The following PLCXD2 variants were observed in gnomAD, a reference collection of about 807,000 sequenced individuals.
PLCXD2 encodes phosphatidylinositol specific phospholipase C X domain containing 2, also known as PI-PLC X domain-containing protein 2.
In PLCXD2, 21 loss-of-function variants were observed where a neutral mutation model predicts 28.6. That is an observed-to-expected ratio of 0.73 (90% CI 0.52 to 1.06). The LOEUF (loss-of-function observed/expected upper bound fraction) is 1.06. Ranked by LOEUF, PLCXD2 falls within the 50% of genes least tolerant of loss-of-function variation. PLCXD2 has a pLI of 0.00. For missense variants in PLCXD2, 369 were observed against 376.7 expected, an observed-to-expected ratio of 0.98 and a Z score of 0.17; for synonymous variants, 140 against 150.1, an observed-to-expected ratio of 0.93 and a Z score of 0.49.
At chr3:111,684,224 GGAGGCTGA>G (rs1488825610) in intron 1 of PLCXD2, among the ~76,000 whole-genome samples, 12 of 151,598 alleles carry the variant, frequency 7.9e-5, no homozygotes, top group African/African-American at 2.9e-4. Context: ...CAGCTACTCG[GGAGGCTGA>G]GACAGGAGAA....
At chr3:111,698,593 A>G (rs889114365) in intron 1 of PLCXD2, among the ~76,000 whole-genome samples, 2 of 152,250 alleles carry the variant, frequency 1.3e-5, no homozygotes, top group Non-Finnish European at 1.5e-5. Flanking sequence ...AGATTACTGG[A>G]AAAGAAGAAA....
At chr3:111,684,347 G>T (rs1576453620) in intron 1 of PLCXD2, among the ~76,000 whole-genome samples, 1 of 136,924 alleles carries the variant, frequency 7.3e-6, no homozygotes, top group South Asian at 2.2e-4. Flanking sequence ...AAAAAAAAAA[G>T]GCATGTTAAA....
At chr3:111,691,434 T>G (rs1199982642) in intron 1 of PLCXD2, 2 of 152,224 alleles carry the variant, frequency 1.3e-5, no homozygotes, top group Non-Finnish European at 2.9e-5. Context: ...GAACCAGCAC[T>G]GGGATTCAGG....
intron 3 of PLCXD2, among the ~76,000 whole-genome samples, chr3:111,718,584 C>T (rs1409205461): frequency 2.0e-5 from 3 of 151,932 alleles, no homozygotes; most frequent in African/African-American, 7.3e-5. Context: ...GTAGAGTCCA[C>T]TGAGAGAGGG....
At chr3:111,676,859 T>C (rs1333486973) in intron 1 of PLCXD2, 1 of 152,274 alleles carries the variant, frequency 6.6e-6, no homozygotes, top group Non-Finnish European at 1.5e-5. Context: ...ATTCAGGGCA[T>C]GTCCGGGGTA....
At chr3:111,687,991 CCT>C (rs1490493731) in intron 1 of PLCXD2, among the ~76,000 whole-genome samples, 2 of 152,040 alleles carry the variant, frequency 1.3e-5, no homozygotes, top group South Asian at 4.2e-4. Context: ...TATCTTTTAT[CCT>C]CTCTCTCTCT....
intron 1 of PLCXD2, among the ~76,000 whole-genome samples, chr3:111,680,946 T>C (rs1383533504): frequency 6.6e-6 from 1 of 151,958 alleles, no homozygotes; most frequent in Non-Finnish European, 1.5e-5. Flanking sequence ...ATTGTTATTA[T>C]GTATCGTTTA....
chr3:111,699,745 A>T (rs1941014493), intron 1 of PLCXD2, among the ~76,000 whole-genome samples: 1 of 152,182 alleles, frequency 6.6e-6, no homozygotes, highest in Non-Finnish European at 1.5e-5. Context: ...CAAGGATCCT[A>T]GTAAACCTTA....
rs147667624 is a variant in PLCXD2 at position 111,715,960 on chromosome 3, T to C, written c.866+1832T>C. Reference sequence around the variant, plus strand: ...TATCTGTACATTCCTAAAACTTTAATCTGGCTGCAAGTGAAACATTGGCTC... The same window carrying C: ...TATCTGTACATTCCTAAAACTTTAACCTGGCTGCAAGTGAAACATTGGCTC... On this transcript the variant is annotated intron_variant, in intron 3 of 4. Transcript: ENST00000477665. Among the ~76,000 whole-genome samples the C allele has an allele frequency of 1.9e-3, 297 of 152,332 alleles. 2 individuals are homozygous for C. The highest frequency in any genetic ancestry group is 6.8e-3 in the Middle Eastern group (2 of 294).
chr3:111,715,259 G>A (rs116566910), intron 3 of PLCXD2, among the ~76,000 whole-genome samples: 21 of 152,248 alleles, frequency 1.4e-4, no homozygotes, highest in African/African-American at 3.4e-4. Context: ...GAAAGATCCC[G>A]AATTAGAAGC....
chr3:111,693,954 A>G (rs1241835111), intron 1 of PLCXD2, among the ~76,000 whole-genome samples: 1 of 152,248 alleles, frequency 6.6e-6, no homozygotes, highest in Non-Finnish European at 1.5e-5. Context: ...CAAAATGGCT[A>G]GACTGAGACA....
At chr3:111,690,034 G>A (rs1437574437) in intron 1 of PLCXD2, among the ~76,000 whole-genome samples, 1 of 152,186 alleles carries the variant, frequency 6.6e-6, no homozygotes, top group African/African-American at 2.4e-5. Flanking sequence ...AATTAATGAT[G>A]TAGATACTCC....
chr3:111,713,887 G>C lies in PLCXD2; in HGVS notation c.625G>C (p.Val209Leu). 1 of 1,610,376 alleles carries C rather than the reference G, an allele frequency of 6.2e-7. No individual in the cohort carries two copies. The highest frequency in any genetic ancestry group is 1.3e-5 in the African/African-American group (1 of 74,902). Residue 209 changes from valine to leucine, a missense_variant and splice_region_variant, in exon 3 of 5, where the codon GTT becomes CTT. Coordinates refer to ENST00000477665, the MANE Select transcript of PLCXD2 (RefSeq NM_001185106.1). ...CCTTTTTGTGTTTTGAATATTTCAG[G>C]TTCTTATTTTCTACCACTGTCCCTT...
At chr3:111,722,404 T>C (rs945231134) in intron 3 of PLCXD2, 2 of 152,126 alleles carry the variant, frequency 1.3e-5, no homozygotes, top group Non-Finnish European at 2.9e-5. Flanking sequence ...GGGGACAGTA[T>C]ACATGTGTGG....
chr3:111,726,914 GAACATTTTGTTATTGGTCCACTTCTAAT>G (rs1370349832), intron 3 of PLCXD2: 1 of 152,136 alleles, frequency 6.6e-6, no homozygotes, highest in African/African-American at 2.4e-5. Flanking sequence ...TTGTTTGGAT[GAACATTTTGTTATTGGTCCACTTCTAAT>G]TTTGTCTTAA....
chr3:111,699,832 C>T (rs952789052), intron 1 of PLCXD2, among the ~76,000 whole-genome samples: 6 of 152,118 alleles, frequency 3.9e-5, no homozygotes, highest in African/African-American at 1.4e-4. Flanking sequence ...TCTTCACAAA[C>T]AAGCTGTGGT....
chr3:111,718,489 G>C (rs1263894998), intron 3 of PLCXD2, among the ~76,000 whole-genome samples: 1 of 139,686 alleles, frequency 7.2e-6, no homozygotes, highest in African/African-American at 2.7e-5. Context: ...ATGATGGATA[G>C]ATGATAGATA....
Position 111,675,155 on chromosome 3 carries a change from C to G in PLCXD2, c.-91C>G, listed in dbSNP as rs1940600416. 5 of 1,456,212 alleles carry G rather than the reference C, an allele frequency of 3.4e-6. No individual in the cohort carries two copies. Among genetic ancestry groups the G allele is most frequent in the African/African-American group, 1.4e-5 (1 of 70,822 alleles). The allele number at this position is 1,456,212 out of a possible 1,614,324, so 90.2% of individuals were successfully genotyped here. A position where few individuals can be genotyped will look rare whatever the true frequency, so the allele number is the denominator to read the frequency against. ...ATTTTGGAAAGACTGGCGTGGCAAGCGTCGCCCTGAAACGTCCACAGAGCC... is the reference window on the plus strand; with the variant it reads ...ATTTTGGAAAGACTGGCGTGGCAAGGGTCGCCCTGAAACGTCCACAGAGCC... On this transcript the variant is annotated 5_prime_UTR_variant, in exon 1 of 5. Coordinates refer to ENST00000477665, the MANE Select transcript of PLCXD2 (RefSeq NM_001185106.1).
Position 111,675,047 on chromosome 3 carries a change from G to A in PLCXD2, c.-199G>A. The A allele has an allele frequency of 1.7e-6, 1 of 597,814 alleles. No individual in the cohort carries two copies. Among genetic ancestry groups the A allele is most frequent in the Non-Finnish European group, 2.9e-6 (1 of 341,266 alleles). 37.0% of individuals were successfully genotyped at this position (597,814 alleles called of 1,614,324 possible). A position where few individuals can be genotyped will look rare whatever the true frequency, so the allele number is the denominator to read the frequency against. On this transcript the variant is annotated 5_prime_UTR_variant, in exon 1 of 5. Transcript: ENST00000477665. ...CTGAGCAGATTAAGGGAGTGGAGCG[G>A]AGGCTGGGCCGGAGAGAGTGGGGAC...
Sources: gnomAD v4.1 joint callset for allele counts (sites outside exome capture counted in the v4.1 genomes callset) on GRCh38, gnomAD v4.1.1 for gene constraint, MANE v1.5 for transcripts, NCBI Gene and HGNC (gene_info 2026-07-23, HGNC 2026-07-21) for gene names.